Variants in TTC7A observed in about 807,000 individuals in gnomAD.
TTC7A encodes tetratricopeptide repeat protein 7A.
A neutral mutation model predicts 103.7 loss-of-function variants in TTC7A; 110 were observed. The observed-to-expected ratio is 1.06, with a 90% CI of 0.91 to 1.24. The LOEUF is 1.24. Ranked by LOEUF, TTC7A falls within the 50% of genes most tolerant of loss-of-function variation. The pLI, the probability that TTC7A is intolerant of heterozygous loss-of-function variation, is 0.00. For synonymous variants in TTC7A, 521 were observed against 467.9 expected (o/e 1.11, Z -1.47); for missense variants, 1,340 against 1,116.3 (o/e 1.20, Z -2.86).
intron 5 of TTC7A, among the ~76,000 whole-genome samples, chr2:46,987,804 C>CCGCG (rs141264278): frequency 7.1e-4 from 98 of 137,988 alleles, no homozygotes; most frequent in African/African-American, 1.8e-3. Flanking sequence ...CTGTCCCTTT[C>CCGCG]CGCGCGTGTG....
At chr2:47,018,644 GA>G (rs1678948774) in intron 11 of TTC7A, among the ~76,000 whole-genome samples, 1 of 149,088 alleles carries the variant, frequency 6.7e-6, no homozygotes, top group African/African-American at 2.5e-5. Flanking sequence ...TAAGAAAGTA[GA>G]TATCATATAT....
intron 3 of TTC7A, among the ~76,000 whole-genome samples, chr2:46,971,759 A>C (rs757930189): frequency 6.6e-6 from 1 of 152,148 alleles, no homozygotes; most frequent in Non-Finnish European, 1.5e-5. Flanking sequence ...TCCATTATAC[A>C]TCTCTTCAGT....
chr2:46,929,563 A>T (rs929610408), intron 2 of TTC7A, among the ~76,000 whole-genome samples: 1 of 152,230 alleles, frequency 6.6e-6, no homozygotes, highest in African/African-American at 2.4e-5. Flanking sequence ...AAGGAAATGT[A>T]AAAAAATTTT....
rs755745129 is a variant in TTC7A, at chr2:46,975,067, C to T, written c.612C>T (p.Ser204=). The T allele has an allele frequency of 6.2e-7, 1 of 1,613,956 alleles. No homozygotes were observed. The highest frequency in any genetic ancestry group is 1.1e-5 in the South Asian group (1 of 91,082). ...EEVITCFERA[S]WIAQVFLQEL... is the part of the protein sequence containing the mutation. ...TGATCACCTGTTTTGAGAGGGCCTC[C>T]TGGATCGCTCAGGTGTTCCTGCAGG... The change falls in exon 4 of 20, where the codon TCC becomes TCT. Residue 204 remains serine, a synonymous_variant. Coordinates refer to ENST00000319190, the MANE Select transcript of TTC7A (RefSeq NM_020458.4).
chr2:47,049,307 C>T (rs1028933348), intron 16 of TTC7A, among the ~76,000 whole-genome samples: 4 of 152,102 alleles, frequency 2.6e-5, no homozygotes, highest in African/African-American at 9.7e-5. Flanking sequence ...GAGGCTATTT[C>T]CTGGCTCCCC....
intron 11 of TTC7A, among the ~76,000 whole-genome samples, chr2:47,014,556 A>G (rs999726477): frequency 6.6e-6 from 1 of 152,162 alleles, no homozygotes; most frequent in Non-Finnish European, 1.5e-5. Context: ...AGAGTGGGTC[A>G]GCCCTGTACT....
Position 47,021,994 on chromosome 2 carries a change from C to T in TTC7A, c.1510+15C>T, listed in dbSNP as rs989058809. 1.9e-6 allele frequency: 3 copies of T among 1,586,306 alleles called. No homozygotes were observed. On this transcript the variant is annotated intron_variant, in intron 12 of 19. Transcript: ENST00000319190. ...GGCCACCGACGGTGAGTGCCAGGCC[C>T]CAGGAGGCCTCTACTTGGGGATGGC...
intron 5 of TTC7A, among the ~76,000 whole-genome samples, chr2:46,980,572 G>A (rs183443309): frequency 4.6e-5 from 7 of 152,136 alleles, no homozygotes; most frequent in Non-Finnish European, 1.0e-4. Flanking sequence ...TTTTTTCCGC[G>A]ACTCACAACC....
intron 3 of TTC7A, among the ~76,000 whole-genome samples, 166 bp downstream of exon 3, chr2:46,957,173 A>G (rs1253153218): frequency 1.3e-5 from 2 of 152,144 alleles, no homozygotes; most frequent in Admixed American, 6.5e-5. Flanking sequence ...CCATGTTGAC[A>G]TTGCCTGGTG....
intron 19 of TTC7A, among the ~76,000 whole-genome samples, chr2:47,067,101 C>A (rs1020104029): frequency 2.0e-5 from 3 of 152,184 alleles, no homozygotes; most frequent in Admixed American, 1.3e-4. Context: ...GGGCAAAGCC[C>A]GCCTGACCTC....
rs554809873 is a variant in TTC7A, at chr2:47,055,820, CTGGGG to C, written c.2152+3949_2152+3953del. Among the ~76,000 whole-genome samples, 35 of 152,238 alleles carry C rather than the reference CTGGGG, an allele frequency of 2.3e-4. No individual in the cohort carries two copies. The East Asian group carries it at 6.2e-3, about 27-fold the overall frequency. On this transcript the variant is annotated intron_variant, in intron 18 of 19. Coordinates refer to ENST00000319190, the MANE Select transcript of TTC7A (RefSeq NM_020458.4). The stretch of plus-strand genomic sequence containing the variant: ...GTGTCTCCTGGGCAGACTTGGGGGG[CTGGGG>C]TGGGGTGGCCAGCGCTGTGGCTGAA...
rs1342150503 is a variant in TTC7A, at chr2:47,046,480, GCAA to G, written c.1919+53_1919+55del. 2.0e-6 allele frequency: 3 copies of G among 1,487,404 alleles called. No homozygotes were observed. The East Asian group carries it at 6.8e-5, about 34-fold the overall frequency. 92.1% of individuals were successfully genotyped at this position (1,487,404 alleles called of 1,614,324 possible). A position where few individuals can be genotyped will look rare whatever the true frequency, so the allele number is the denominator to read the frequency against. On this transcript the variant is annotated intron_variant, in intron 16 of 19. Transcript: ENST00000319190. ...GGGTTGCCAGAGGGTGGTTGCCAGG[GCAA>G]CAATCCACAGCTGGGTGGCCACCAT... is the stretch of plus-strand genomic sequence containing the variant.
intron 19 of TTC7A, among the ~76,000 whole-genome samples, chr2:47,061,561 C>T (rs1197965886): frequency 1.3e-5 from 2 of 152,162 alleles, no homozygotes; most frequent in Non-Finnish European, 2.9e-5. Flanking sequence ...CTTGGGTGTC[C>T]AGGGCACAGT....
At chr2:46,958,439 C>T in intron 3 of TTC7A, 1 of 1,278,576 alleles carries the variant, frequency 7.8e-7, no homozygotes, top group Middle Eastern at 2.1e-4. Flanking sequence ...GGGACTTTCT[C>T]CTGAGCCTGG....
At chr2:46,950,230 T>C in intron 1 of TTC7A, 133 bp from the exon 2 acceptor site, 1 of 764,976 alleles carries the variant, frequency 1.3e-6, no homozygotes, top group Non-Finnish European at 2.1e-6. Context: ...ATGAAAAATG[T>C]GCCTTTATTT....
At chr2:47,050,832 G>C (rs1682798240) in intron 17 of TTC7A, 1 of 152,208 alleles carries the variant, frequency 6.6e-6, no homozygotes. Context: ...AAAGAAGGAA[G>C]AATCATGAAC....
chr2:46,951,500 C>T (rs1369067483), intron 2 of TTC7A: 4 of 447,074 alleles, frequency 8.9e-6, no homozygotes, highest in African/African-American at 8.0e-5. Context: ...AAAAAAAACT[C>T]AAAGAGGAAG....
chr2:46,941,601 C>G lies in TTC7A; in HGVS notation c.60C>G (p.Cys20Trp). 1 of 1,556,974 alleles carries G rather than the reference C, an allele frequency of 6.4e-7. No homozygotes were observed. Among genetic ancestry groups the G allele is most frequent in the South Asian group, 1.2e-5 (1 of 84,432 alleles). ...AGGTGGAGAGCGAGCTGGAGCGCTG[C>G]CGCGCCGAGGGCCACTGGGACCGCA... ...YLKVESELER[C>W]RAEGHWDRMP... The change falls in exon 1 of 20, where the codon TGC (cysteine) becomes TGG (tryptophan). Residue 20 changes from cysteine (C) to tryptophan (W), a missense_variant. Cys to Trp is a radical substitution (Grantham distance 215, BLOSUM62 -2). Coordinates refer to ENST00000319190, the MANE Select transcript of TTC7A (RefSeq NM_020458.4). The surrounding 1 kb of genome is among the most constrained non-coding windows in gnomAD (Gnocchi z 4.2).
At chr2:47,036,050 G>A (rs1310115887) in intron 15 of TTC7A, among the ~76,000 whole-genome samples, 1 of 152,268 alleles carries the variant, frequency 6.6e-6, no homozygotes, top group Non-Finnish European at 1.5e-5. Flanking sequence ...AAGGCACTGT[G>A]TGGTTTACAT....
Sources: gnomAD v4.1 joint callset for allele counts (sites outside exome capture counted in the v4.1 genomes callset) on GRCh38, gnomAD v4.1.1 for gene constraint, Gnocchi (gnomAD v3.1) non-coding constraint, MANE v1.5 for transcripts, NCBI Gene and HGNC (gene_info 2026-07-23, HGNC 2026-07-21) for gene names.